PTH2R: variants seen among roughly 807,000 people sequenced by gnomAD.
The protein encoded by PTH2R is parathyroid hormone 2 receptor, also known as PTH2 receptor.
PTH2R carries 59 observed loss-of-function variants against 60.3 expected under a neutral mutation model. The observed-to-expected ratio is 0.98, with a 90% CI of 0.79 to 1.22. The LOEUF (loss-of-function observed/expected upper bound fraction) is 1.22, where lower values mean the gene tolerates loss of function less well. Ranked by LOEUF, PTH2R falls within the 50% of genes most tolerant of loss-of-function variation. PTH2R has a pLI of 0.00. For synonymous variants in PTH2R, 256 were observed against 243.8 expected, an observed-to-expected ratio of 1.05 and a Z score of -0.47; for missense variants, 749 against 682.6, an observed-to-expected ratio of 1.10 and a Z score of -1.08.
chr2:208,472,608 A>G (rs929765855), intron 9 of PTH2R, among the ~76,000 whole-genome samples: 1 of 152,152 alleles, frequency 6.6e-6, no homozygotes, highest in African/African-American at 2.4e-5. Context: ...ACCTTCTGTT[A>G]TGATTGTGAG....
At chr2:208,443,318 A>G (rs370280015) in intron 5 of PTH2R, 30 bp from the exon 6 acceptor site, 4 of 1,480,626 alleles carry the variant, frequency 2.7e-6, no homozygotes, top group Admixed American at 4.8e-5. Flanking sequence ...ATTTTATCCA[A>G]ATTTAAATAC....
At chr2:208,388,839 C>G (rs1420564501) in intron 1 of PTH2R, among the ~76,000 whole-genome samples, 5 of 152,264 alleles carry the variant, frequency 3.3e-5, no homozygotes, top group South Asian at 4.1e-4. Flanking sequence ...TAATTCTATC[C>G]CTAGGAAGTT....
intron 11 of PTH2R, among the ~76,000 whole-genome samples, chr2:208,489,682 T>A (rs1703359495): frequency 1.3e-5 from 2 of 152,194 alleles, no homozygotes; most frequent in Non-Finnish European, 2.9e-5. Flanking sequence ...CATTTGATCA[T>A]GTCATATACT....
intron 8 of PTH2R, 134 bp downstream of exon 8, chr2:208,450,943 T>A (rs911309533): frequency 8.7e-5 from 82 of 940,028 alleles, no homozygotes; most frequent in Non-Finnish European, 1.2e-4. Flanking sequence ...ATTACCTTGA[T>A]GCGATGGTAG....
chr2:208,479,377 C>A (rs1302194475), intron 9 of PTH2R, among the ~76,000 whole-genome samples: 1 of 152,164 alleles, frequency 6.6e-6, no homozygotes, highest in Non-Finnish European at 1.5e-5. Context: ...AAATGGCAAT[C>A]CAGCTGGTAT....
intron 8 of PTH2R, among the ~76,000 whole-genome samples, chr2:208,454,243 CGCTTT>C (rs1702465445): frequency 6.6e-6 from 1 of 152,014 alleles, no homozygotes; most frequent in South Asian, 2.1e-4. Flanking sequence ...CAGGTAACTG[CGCTTT>C]GCTCTCATGG....
At chr2:208,403,516 A>AAGG (rs2105826504), upstream of PTH2R, among the ~76,000 whole-genome samples, 1 of 152,344 alleles carries the variant, frequency 6.6e-6, no homozygotes, top group Non-Finnish European at 1.5e-5. Context: ...CTGATCTAAC[A>AAGG]ATTAATGAAA....
chr2:208,376,489 C>T (rs946932484), intron 1 of PTH2R, among the ~76,000 whole-genome samples: 6 of 152,018 alleles, frequency 3.9e-5, no homozygotes, highest in African/African-American at 1.5e-4. Context: ...TAAAACTAGT[C>T]CTTTTTTAAA....
chr2:208,483,568 T>A (rs1415295930), intron 10 of PTH2R, among the ~76,000 whole-genome samples: 3 of 152,138 alleles, frequency 2.0e-5, no homozygotes, highest in Non-Finnish European at 4.4e-5. Flanking sequence ...TTGAATTAAT[T>A]CATGGAGGAT....
At chr2:208,379,048 G>A (rs1700862749) in intron 1 of PTH2R, among the ~76,000 whole-genome samples, 1 of 152,136 alleles carries the variant, frequency 6.6e-6, no homozygotes, top group Non-Finnish European at 1.5e-5. Context: ...AAGATAGCTA[G>A]TGAAACACAT....
chr2:208,416,552 A>C (rs1701645112), intron 1 of PTH2R, among the ~76,000 whole-genome samples: 4 of 152,150 alleles, frequency 2.6e-5, no homozygotes, highest in African/African-American at 9.7e-5. Flanking sequence ...AATTAGGTGA[A>C]CTACTTTTTC....
rs1481577995 is a variant in PTH2R, at chr2:208,467,930, A to C, written c.981+7969A>C. On this transcript the variant is annotated intron_variant, in intron 9 of 12. Transcript: ENST00000272847. The stretch of plus-strand genomic sequence containing the variant: ...GCTCTAAGAAAAAGGAGGAAAGTGA[A>C]ATCTCTTCCCCCATTTTCAACAGGG... 3.3e-5 allele frequency among the ~76,000 whole-genome samples: 5 copies of C among 152,200 alleles called. No homozygotes were observed. The East Asian group carries it at 9.6e-4, about 29-fold the overall frequency.
chr2:208,458,399 G>A (rs1702558172), intron 8 of PTH2R, among the ~76,000 whole-genome samples: 1 of 152,194 alleles, frequency 6.6e-6, no homozygotes, highest in African/African-American at 2.4e-5. Context: ...TTAGGATAAG[G>A]TCGTGGATCT....
intron 9 of PTH2R, among the ~76,000 whole-genome samples, chr2:208,464,022 T>C (rs546073535): frequency 1.3e-5 from 2 of 152,376 alleles, no homozygotes; most frequent in South Asian, 4.1e-4. Flanking sequence ...AATTATTAAC[T>C]CTTGTTGGTA....
intron 1 of PTH2R, among the ~76,000 whole-genome samples, chr2:208,417,930 C>T (rs1047564185): frequency 6.6e-6 from 1 of 151,904 alleles, no homozygotes; most frequent in Non-Finnish European, 1.5e-5. Flanking sequence ...ATACAAATAC[C>T]TTATGAGCAA....
intron 12 of PTH2R, among the ~76,000 whole-genome samples, chr2:208,492,086 C>T (rs1047823883): frequency 1.3e-5 from 2 of 152,190 alleles, no homozygotes; most frequent in African/African-American, 4.8e-5. Flanking sequence ...CAAATAAACT[C>T]TCTTCTGAAA....
At chr2:208,393,476 G>A (rs1234504052) in intron 1 of PTH2R, among the ~76,000 whole-genome samples, 1 of 152,122 alleles carries the variant, frequency 6.6e-6, no homozygotes, top group Non-Finnish European at 1.5e-5. Flanking sequence ...TTCATCTCCT[G>A]AGTTATTGGG....
chr2:208,460,015 T>C, intron 9 of PTH2R, 54 bp downstream of exon 9: 1 of 1,471,132 alleles, frequency 6.8e-7, no homozygotes. Context: ...AACCTGCTGC[T>C]AAAACCCAGA....
At chr2:208,378,970 T>C (rs1217942213) in intron 1 of PTH2R, among the ~76,000 whole-genome samples, 3 of 152,126 alleles carry the variant, frequency 2.0e-5, no homozygotes, top group Non-Finnish European at 4.4e-5. Context: ...ATCAGCACAG[T>C]GCATGGTACT....
Sources: gnomAD v4.1 joint callset for allele counts (sites outside exome capture counted in the v4.1 genomes callset) on GRCh38, gnomAD v4.1.1 for gene constraint, MANE v1.5 for transcripts, NCBI Gene and HGNC (gene_info 2026-07-23, HGNC 2026-07-21) for gene names.